Variants in NCKAP5 observed in about 807,000 individuals in gnomAD.
The protein encoded by NCKAP5 is nck-associated protein 5.
NCKAP5 carries 92 observed loss-of-function variants against 167.0 expected under a neutral mutation model. The ratio of observed to expected loss-of-function variants is 0.55; its 90% CI spans 0.47 to 0.66. NCKAP5 has a LOEUF of 0.66. Ranked by LOEUF, NCKAP5 falls within the 30% of genes least tolerant of loss-of-function variation. The probability of loss-of-function intolerance (pLI) is 0.00; values close to 1 mark genes in which losing one functional copy is unlikely to be tolerated. For missense variants in NCKAP5, 2,378 were observed against 2,315.0 expected (o/e 1.03, Z -0.56); for synonymous variants, 891 against 877.4 (o/e 1.02, Z -0.27).
intron 18 of NCKAP5, among the ~76,000 whole-genome samples, chr2:132,728,359 T>C (rs1239319477): frequency 6.6e-6 from 1 of 152,168 alleles, no homozygotes; most frequent in African/African-American, 2.4e-5. Context: ...TCACGGATTC[T>C]AGCAAGTCAT....
chr2:132,736,811 G>C (rs1691567643), intron 16 of NCKAP5, among the ~76,000 whole-genome samples: 2 of 152,018 alleles, frequency 1.3e-5, no homozygotes, highest in South Asian at 2.1e-4. Flanking sequence ...GAAACAAAAT[G>C]AAAAACAAAA....
chr2:133,604,787 C>T, the NCKAP5 span, among the ~76,000 whole-genome samples: 8 of 152,248 alleles, frequency 5.3e-5, no homozygotes, highest in South Asian at 2.1e-4. Flanking sequence ...GGGCTAAGAC[C>T]GGCTTGGTCT....
At chr2:133,060,034 G>C (rs558931378) in intron 6 of NCKAP5, among the ~76,000 whole-genome samples, 2 of 152,106 alleles carry the variant, frequency 1.3e-5, no homozygotes, top group African/African-American at 4.8e-5. Context: ...CAGCCAGAGA[G>C]CCCTAAGCTC....
rs2083574525 is a variant in NCKAP5 at position 133,156,261 on chromosome 2, T to C, written c.208-26150A>G. On this transcript the variant is annotated intron_variant, in intron 5 of 19. Transcript: ENST00000409261. ...CACCTGCTGTGTTCCCTCTTGTGAT[T>C]AATAGCATCACTTCCTCCCAGGAAC... Among the ~76,000 whole-genome samples the C allele has an allele frequency of 1.3e-5, 2 of 152,206 alleles. 1 individual carries two copies. Among genetic ancestry groups the C allele is most frequent in the Non-Finnish European group, 2.9e-5 (2 of 68,038 alleles).
chr2:133,577,386 A>G, the NCKAP5 span, among the ~76,000 whole-genome samples: 1 of 152,172 alleles, frequency 6.6e-6, no homozygotes, highest in African/African-American at 2.4e-5. Context: ...AGACCCCTAT[A>G]GCATTGTAAT....
the NCKAP5 span, among the ~76,000 whole-genome samples, chr2:133,620,744 C>G: frequency 6.6e-6 from 1 of 152,086 alleles, no homozygotes; most frequent in African/African-American, 2.4e-5. Flanking sequence ...AAACAATGGA[C>G]TTAAACTATA....
chr2:133,225,284 C>T (rs2086832731), intron 4 of NCKAP5, among the ~76,000 whole-genome samples: 1 of 152,172 alleles, frequency 6.6e-6, no homozygotes, highest in Non-Finnish European at 1.5e-5. Flanking sequence ...TCCTAAGGAG[C>T]ATTACATACC....
At chr2:132,683,451 T>C (rs1025040202) in intron 19 of NCKAP5, among the ~76,000 whole-genome samples, 3 of 152,198 alleles carry the variant, frequency 2.0e-5, no homozygotes, top group African/African-American at 7.2e-5. Context: ...ATGGTCACAC[T>C]GGTTTGGCAG....
intron 13 of NCKAP5, among the ~76,000 whole-genome samples, chr2:132,789,425 G>C (rs1013833406): frequency 6.6e-6 from 1 of 152,116 alleles, no homozygotes; most frequent in Non-Finnish European, 1.5e-5. Context: ...CTGAGTTCTT[G>C]TTCAGAGGAT....
intron 3 of NCKAP5, among the ~76,000 whole-genome samples, chr2:133,443,438 T>C (rs1199429932): frequency 6.6e-6 from 1 of 152,204 alleles, no homozygotes; most frequent in Non-Finnish European, 1.5e-5. Flanking sequence ...GTCATGGCAA[T>C]GCACTGAGGT....
rs138080260 is a variant in NCKAP5, at chr2:133,005,394, G to A, written c.342-11155C>T. On this transcript the variant is annotated intron_variant, in intron 6 of 19. Coordinates refer to ENST00000409261, the MANE Select transcript of NCKAP5 (RefSeq NM_207363.3). The stretch of plus-strand genomic sequence containing the variant: ...CCCTCCATTCAGGGTCCCTGATCCC[G>A]CAACAATTATTAATGTGATTAATTT... 4.5e-3 allele frequency among the ~76,000 whole-genome samples: 678 copies of A among 152,168 alleles called. 3 individuals are homozygous for A. Among genetic ancestry groups the A allele is most frequent in the Middle Eastern group, 0.02 (6 of 294 alleles).
chr2:133,490,469 A>C (rs892834457), intron 3 of NCKAP5, among the ~76,000 whole-genome samples: 2 of 152,226 alleles, frequency 1.3e-5, no homozygotes, highest in African/African-American at 4.8e-5. Context: ...TGTGGAGAAA[A>C]GTACAAGAGT....
At chr2:133,079,954 A>G (rs1196713198) in intron 6 of NCKAP5, among the ~76,000 whole-genome samples, 3 of 152,138 alleles carry the variant, frequency 2.0e-5, no homozygotes, top group African/African-American at 7.2e-5. Flanking sequence ...CGCAAACACT[A>G]TTGTAATAGC....
chr2:133,465,879 GT>G (rs1241495170), intron 3 of NCKAP5, among the ~76,000 whole-genome samples: 2 of 145,440 alleles, frequency 1.4e-5, no homozygotes, highest in African/African-American at 5.1e-5. Context: ...TTGTAAATTT[GT>G]TTGAGTTCAT....
At chr2:133,471,743 A>G (rs1575018643) in intron 3 of NCKAP5, among the ~76,000 whole-genome samples, 1 of 152,082 alleles carries the variant, frequency 6.6e-6, no homozygotes. Flanking sequence ...GGTAATGTTG[A>G]TCAGCCACTA....
At chr2:132,716,143 A>G (rs2105354942) in intron 19 of NCKAP5, among the ~76,000 whole-genome samples, 1 of 152,280 alleles carries the variant, frequency 6.6e-6, no homozygotes, top group Non-Finnish European at 1.5e-5. Flanking sequence ...GAGAGGCACA[A>G]TTGCACTGGT....
chr2:132,822,548 T>C (rs907205454), intron 11 of NCKAP5, among the ~76,000 whole-genome samples: 1 of 152,186 alleles, frequency 6.6e-6, no homozygotes, highest in Non-Finnish European at 1.5e-5. Context: ...CAAGAGAATC[T>C]GAACAGCAGG....
chr2:132,997,630 C>A (rs2077642992), intron 6 of NCKAP5, among the ~76,000 whole-genome samples: 2 of 152,028 alleles, frequency 1.3e-5, no homozygotes, highest in Non-Finnish European at 2.9e-5. Context: ...ACTCTAAATA[C>A]AGCAGCCTCT....
At chr2:132,788,502 T>C (rs1180078906) in intron 13 of NCKAP5, among the ~76,000 whole-genome samples, 1 of 152,184 alleles carries the variant, frequency 6.6e-6, no homozygotes, top group Admixed American at 6.5e-5. Context: ...TGTGGCATCT[T>C]GGTTCAGTTA....
Sources: gnomAD v4.1 joint callset for allele counts (sites outside exome capture counted in the v4.1 genomes callset) on GRCh38, gnomAD v4.1.1 for gene constraint, MANE v1.5 for transcripts, NCBI Gene and HGNC (gene_info 2026-07-23, HGNC 2026-07-21) for gene names.